Variants in DIS3L2 observed in about 807,000 individuals in gnomAD.
DIS3L2 encodes DIS3 like 3'-5' exoribonuclease 2.
A neutral mutation model predicts 97.5 loss-of-function variants in DIS3L2; 34 were observed. That is an observed-to-expected ratio of 0.35 (90% confidence interval 0.27 to 0.46). DIS3L2 has a LOEUF of 0.46. Ranked by LOEUF, DIS3L2 falls within the 20% of genes least tolerant of loss-of-function variation. DIS3L2 has a pLI of 1.00. For missense variants in DIS3L2, 1,038 were observed against 1,146.0 expected (o/e 0.91, Z 1.36); for synonymous variants, 435 against 445.2 (o/e 0.98, Z 0.29).
At chr2:232,143,563 G>A (rs1447976340) in intron 8 of DIS3L2, among the ~76,000 whole-genome samples, 1 of 152,018 alleles carries the variant, frequency 6.6e-6, no homozygotes, top group Non-Finnish European at 1.5e-5. Flanking sequence ...TTATTCAAAT[G>A]TGTACTATTG....
chr2:232,327,041 G>A (rs538203535), intron 14 of DIS3L2, among the ~76,000 whole-genome samples: 2 of 152,156 alleles, frequency 1.3e-5, no homozygotes, highest in African/African-American at 2.4e-5. Flanking sequence ...CCTTGTCCTC[G>A]TGTTTACTGA....
In DIS3L2 at chr2:231,987,782, G is replaced by C. The variant is rs368440503; in HGVS notation, c.-94+26017G>C. ...GTGGTAGGGAGAAGAAGTACACCAG[G>C]TCTGTCATAGTTGTACTTTGGTGTT... On this transcript the variant is annotated intron_variant, in intron 1 of 20. Transcript: ENST00000325385. 7.2e-5 allele frequency among the ~76,000 whole-genome samples: 11 copies of C among 152,220 alleles called. No individual in the cohort carries two copies. In the South Asian group the frequency reaches 2.3e-3, roughly 32 times the overall value.
intron 5 of DIS3L2, among the ~76,000 whole-genome samples, chr2:232,044,350 T>C (rs1695183505): frequency 6.6e-6 from 1 of 152,286 alleles, no homozygotes; most frequent in South Asian, 2.1e-4. Context: ...ACAGTGCCCA[T>C]GTGGAATACA....
At chr2:232,043,262 G>A (rs1411488933) in intron 5 of DIS3L2, among the ~76,000 whole-genome samples, 1 of 152,064 alleles carries the variant, frequency 6.6e-6, no homozygotes, top group Non-Finnish European at 1.5e-5. Context: ...TTTCTCTGTG[G>A]CAGAAGGAAA....
intron 1 of DIS3L2, among the ~76,000 whole-genome samples, chr2:231,990,000 T>C (rs1693538607): frequency 6.6e-6 from 1 of 152,174 alleles, no homozygotes; most frequent in East Asian, 1.9e-4. Context: ...GGAGAGAGAA[T>C]AGAATTTTAC....
intron 8 of DIS3L2, among the ~76,000 whole-genome samples, chr2:232,154,724 G>C (rs1181254782): frequency 6.7e-6 from 1 of 149,470 alleles, no homozygotes; most frequent in Non-Finnish European, 1.5e-5. Context: ...GCTGTGGTGG[G>C]CTGCACCCAG....
At chr2:232,333,333 G>A (rs1173441932) in intron 16 of DIS3L2, among the ~76,000 whole-genome samples, 3 of 49,908 alleles carry the variant, frequency 6.0e-5, no homozygotes, top group African/African-American at 1.6e-4. Context: ...ACCCCCCGCC[G>A]CTACCTTTCT....
intron 12 of DIS3L2, among the ~76,000 whole-genome samples, chr2:232,261,558 C>T (rs917180937): frequency 2.0e-5 from 3 of 152,140 alleles, no homozygotes; most frequent in Middle Eastern, 3.2e-3. Context: ...GATGGGAGGC[C>T]GAAGCTCTGG....
chr2:232,089,163 A>G (rs890331548), intron 6 of DIS3L2, among the ~76,000 whole-genome samples: 4 of 152,248 alleles, frequency 2.6e-5, no homozygotes, highest in African/African-American at 9.6e-5. Context: ...TGTGAAAGAA[A>G]GCATTTTTTG....
intron 12 of DIS3L2, among the ~76,000 whole-genome samples, chr2:232,255,898 G>A (rs916579579): frequency 6.6e-6 from 1 of 152,178 alleles, no homozygotes; most frequent in Non-Finnish European, 1.5e-5. Flanking sequence ...CTGCCAGTGT[G>A]TCATCGCTGC....
chr2:232,329,984 A>G lies in DIS3L2; in HGVS notation c.1911A>G (p.Ala637=), dbSNP rs563679311. 16 of 1,610,468 alleles carry G rather than the reference A, an allele frequency of 9.9e-6. No individual in the cohort carries two copies. The highest frequency in any genetic ancestry group is 1.4e-5 in the Non-Finnish European group (16 of 1,178,344). Residue 637 remains alanine (A), a synonymous_variant, in exon 15 of 21, where the codon GCA becomes GCG. Coordinates refer to ENST00000325385, the MANE Select transcript of DIS3L2 (RefSeq NM_152383.5). Reference sequence around the variant, plus strand: ...GGCTGCCCGTGGACTTCAGCTCCGCAGGAGCCCTCAATGTGAGTGGTGGGC... The same window carrying G: ...GGCTGCCCGTGGACTTCAGCTCCGCGGGAGCCCTCAATGTGAGTGGTGGGC... The part of the protein sequence containing the change: ...QMGLPVDFSS[A]GALNKSLTQT...
At chr2:232,090,911 G>A (rs956547721) in intron 6 of DIS3L2, among the ~76,000 whole-genome samples, 1 of 152,204 alleles carries the variant, frequency 6.6e-6, no homozygotes, top group East Asian at 1.9e-4. Context: ...CATTGCTCCC[G>A]TTGTCTGTAG....
Position 232,123,052 on chromosome 2 carries a change from C to A in DIS3L2, c.602-7567C>A, listed in dbSNP as rs567764681. Among the ~76,000 whole-genome samples, 3 of 152,220 alleles carry A rather than the reference C, an allele frequency of 2.0e-5. No individual in the cohort carries two copies. The East Asian group carries it at 5.8e-4, about 29-fold the overall frequency. On this transcript the variant is annotated intron_variant, in intron 6 of 20. Coordinates refer to ENST00000325385, the MANE Select transcript of DIS3L2 (RefSeq NM_152383.5). ...TAGGCAGCTTCTAAAATTTAAAACC[C>A]ATCACTGTCTATAACTGAATTATAA...
intron 13 of DIS3L2, among the ~76,000 whole-genome samples, chr2:232,287,677 C>T (rs1694483595): frequency 6.6e-6 from 1 of 152,104 alleles, no homozygotes; most frequent in African/African-American, 2.4e-5. Context: ...CAGACGTGAG[C>T]CACCTCACCC....
At chr2:232,163,419 G>A in intron 8 of DIS3L2, 40 bp from the exon 9 acceptor site, 1 of 1,592,770 alleles carries the variant, frequency 6.3e-7, no homozygotes, top group Non-Finnish European at 8.5e-7. Flanking sequence ...TGTTCCATTT[G>A]TTTGCTAACC....
chr2:232,190,043 G>C (rs1033689757), intron 9 of DIS3L2, among the ~76,000 whole-genome samples: 11 of 152,282 alleles, frequency 7.2e-5, no homozygotes, highest in African/African-American at 2.4e-4. Flanking sequence ...TTTTTAAAAA[G>C]GGGCTGAGCA....
intron 1 of DIS3L2, among the ~76,000 whole-genome samples, chr2:231,966,360 G>T (rs1258920730): frequency 1.3e-5 from 2 of 151,972 alleles, no homozygotes; most frequent in African/African-American, 4.8e-5. Context: ...AGTAGAGACG[G>T]GGTTTCACCA....
At chr2:232,282,724 C>T (rs987725248) in intron 13 of DIS3L2, among the ~76,000 whole-genome samples, 1 of 152,360 alleles carries the variant, frequency 6.6e-6, no homozygotes, top group East Asian at 1.9e-4. Flanking sequence ...CTCTTTCGCA[C>T]TGGCCCCTTC....
chr2:232,337,204 C>T (rs1319176552), downstream of DIS3L2: 4 of 990,088 alleles, frequency 4.0e-6, no homozygotes, highest in Middle Eastern at 1.0e-3. Context: ...ACTGAGAGCG[C>T]CCCCATCACC....
Sources: allele counts gnomAD v4.1 joint callset (sites outside exome capture counted in the v4.1 genomes callset), GRCh38; gene constraint gnomAD v4.1.1; transcripts MANE v1.5; gene names NCBI Gene and HGNC (gene_info 2026-07-23, HGNC 2026-07-21).